NRXN1: variants seen among roughly 807,000 people sequenced by gnomAD.
NRXN1 encodes neurexin 1.
Under a neutral mutation model 150.9 loss-of-function variants are expected in NRXN1, and 39 were observed. That is an observed-to-expected ratio of 0.26 (90% CI 0.20 to 0.34). The LOEUF (loss-of-function observed/expected upper bound fraction) is 0.34. Among genes scored for constraint, NRXN1 ranks in the 10% least tolerant of loss-of-function variants. The pLI is 1.00. For missense variants in NRXN1, 1,815 were observed against 1,949.9 expected (o/e 0.93, Z 1.30); for synonymous variants, 924 against 757.0 (o/e 1.22, Z -3.62).
intron 17 of NRXN1, among the ~76,000 whole-genome samples, chr2:50,409,301 C>T (rs1046078774): frequency 6.6e-6 from 1 of 152,132 alleles, no homozygotes; most frequent in Admixed American, 6.5e-5. Flanking sequence ...AGTTTCCTGG[C>T]CAAAACTGTT....
intron 5 of NRXN1, among the ~76,000 whole-genome samples, chr2:50,763,603 C>T (rs1403555944): frequency 6.6e-6 from 1 of 151,690 alleles, no homozygotes; most frequent in East Asian, 2.0e-4. Flanking sequence ...ACCAAATTTC[C>T]ACTTCTGCTC....
chr2:50,216,996 T>C (rs554200945), intron 18 of NRXN1, among the ~76,000 whole-genome samples: 1 of 152,242 alleles, frequency 6.6e-6, no homozygotes, highest in Non-Finnish European at 1.5e-5. Flanking sequence ...AAAAACAGCT[T>C]CCCAGTAATA....
At chr2:50,303,710 T>G (rs550260986) in intron 17 of NRXN1, among the ~76,000 whole-genome samples, 10 of 152,314 alleles carry the variant, frequency 6.6e-5, no homozygotes, top group African/African-American at 2.4e-4. Context: ...AAAAGCATCC[T>G]GATTTTTGTC....
At chr2:50,123,068 A>G (rs1364085640) in intron 18 of NRXN1, among the ~76,000 whole-genome samples, 1 of 152,216 alleles carries the variant, frequency 6.6e-6, no homozygotes, top group South Asian at 2.1e-4. Context: ...ATTTCAACTT[A>G]CATTTACCAA....
At chr2:50,411,012 G>T (rs989691471) in intron 17 of NRXN1, among the ~76,000 whole-genome samples, 2 of 151,970 alleles carry the variant, frequency 1.3e-5, no homozygotes, top group Non-Finnish European at 2.9e-5. Context: ...CATATATTTG[G>T]GTTTTTAAAA....
chr2:49,997,018 T>C (rs996286114), intron 21 of NRXN1, among the ~76,000 whole-genome samples: 1 of 152,226 alleles, frequency 6.6e-6, no homozygotes, highest in Non-Finnish European at 1.5e-5. Context: ...TTTGCCTGTC[T>C]GCTTCGTTTG....
At chr2:50,537,088 T>C (rs553473151) in intron 10 of NRXN1, among the ~76,000 whole-genome samples, 3 of 152,182 alleles carry the variant, frequency 2.0e-5, no homozygotes, top group Non-Finnish European at 4.4e-5. Flanking sequence ...ATGTACCTCC[T>C]TTTTAAGATA....
chr2:50,792,631 A>C (rs974454927), intron 5 of NRXN1, among the ~76,000 whole-genome samples: 7 of 152,086 alleles, frequency 4.6e-5, no homozygotes, highest in African/African-American at 1.7e-4. Context: ...AAATATTACC[A>C]ATGAGAAAAT....
intron 1 of NRXN1, among the ~76,000 whole-genome samples, chr2:51,031,113 G>C (rs1199347144): frequency 6.6e-6 from 1 of 151,994 alleles, no homozygotes; most frequent in African/African-American, 2.4e-5. Context: ...CCAGTTCTTG[G>C]AGGAAGCTCA....
chr2:50,333,934 C>T (rs2076993660), intron 17 of NRXN1, among the ~76,000 whole-genome samples: 1 of 152,006 alleles, frequency 6.6e-6, no homozygotes, highest in Non-Finnish European at 1.5e-5. Flanking sequence ...CAACTCCCTG[C>T]AAGTCTTGCC....
At chr2:50,007,540 G>A (rs1684970154) in intron 21 of NRXN1, among the ~76,000 whole-genome samples, 1 of 152,078 alleles carries the variant, frequency 6.6e-6, no homozygotes, top group African/African-American at 2.4e-5. Context: ...CTTCATCCAT[G>A]TCCCTGCAAA....
chr2:50,151,825 G>A (rs1021080888), intron 18 of NRXN1, among the ~76,000 whole-genome samples: 2 of 151,566 alleles, frequency 1.3e-5, no homozygotes, highest in South Asian at 2.1e-4. Flanking sequence ...GAGTTTTATG[G>A]TATGAAAACT....
At chr2:50,768,639 G>A (rs1702633653) in intron 5 of NRXN1, among the ~76,000 whole-genome samples, 1 of 151,882 alleles carries the variant, frequency 6.6e-6, no homozygotes, top group South Asian at 2.1e-4. Flanking sequence ...TGACTAGGAA[G>A]TCTCTCAAGT....
intron 21 of NRXN1, among the ~76,000 whole-genome samples, chr2:49,951,268 T>C (rs535319695): frequency 1.3e-5 from 2 of 152,094 alleles, no homozygotes; most frequent in South Asian, 2.1e-4. Context: ...AGCAAACTTA[T>C]TCAAAATAGA....
intron 5 of NRXN1, among the ~76,000 whole-genome samples, chr2:50,640,886 C>T (rs534842903): frequency 6.6e-6 from 1 of 152,042 alleles, no homozygotes; most frequent in Non-Finnish European, 1.5e-5. Context: ...TCAAAGAAGG[C>T]AACTGTCGAT....
chr2:50,789,164 A>G (rs1705580271), intron 5 of NRXN1, among the ~76,000 whole-genome samples: 1 of 152,216 alleles, frequency 6.6e-6, no homozygotes, highest in Non-Finnish European at 1.5e-5. Context: ...TATTTCTACT[A>G]TATGCATATA....
At chr2:49,995,519 C>T (rs13029455) in intron 21 of NRXN1, among the ~76,000 whole-genome samples, 1 of 151,884 alleles carries the variant, frequency 6.6e-6, no homozygotes, top group Non-Finnish European at 1.5e-5. Flanking sequence ...CGGTGGCTCA[C>T]GCCTCTAATC....
intron 17 of NRXN1, among the ~76,000 whole-genome samples, chr2:50,316,316 A>G (rs1279132045): frequency 6.6e-6 from 1 of 152,040 alleles, no homozygotes; most frequent in Non-Finnish European, 1.5e-5. Context: ...TGAGGACTCT[A>G]CCTGGTGACT....
intron 8 of NRXN1, among the ~76,000 whole-genome samples, chr2:50,570,205 A>C (rs1159215222): frequency 5.9e-5 from 9 of 151,954 alleles, no homozygotes; most frequent in African/African-American, 9.7e-5. Flanking sequence ...TCTTGAGAAC[A>C]TGTTATTCTA....
Sources: allele counts gnomAD v4.1 joint callset (sites outside exome capture counted in the v4.1 genomes callset), GRCh38; gene constraint gnomAD v4.1.1; transcripts MANE v1.5; gene names NCBI Gene and HGNC (gene_info 2026-07-23, HGNC 2026-07-21).